Variants in EPHA6 observed in about 807,000 individuals in gnomAD.
EPHA6 encodes EPH receptor A6, also known as ephrin type-A receptor 6.
Under a neutral mutation model 112.0 loss-of-function variants are expected in EPHA6, and 50 were observed. The ratio of observed to expected loss-of-function variants is 0.45; its 90% confidence interval spans 0.36 to 0.56. EPHA6 has a LOEUF of 0.56. Ranked by LOEUF, EPHA6 falls within the 20% of genes least tolerant of loss-of-function variation. The pLI, the probability that EPHA6 is intolerant of heterozygous loss-of-function variation, is 0.00. For missense variants in EPHA6, 1,280 were observed against 1,417.4 expected, an observed-to-expected ratio of 0.90 and a Z score of 1.56; for synonymous variants, 529 against 490.7, an observed-to-expected ratio of 1.08 and a Z score of -1.03.
At chr3:97,163,802 C>T (rs2076473986) in intron 3 of EPHA6, among the ~76,000 whole-genome samples, 1 of 152,200 alleles carries the variant, frequency 6.6e-6, no homozygotes, top group Non-Finnish European at 1.5e-5. Flanking sequence ...CTGCATCAGG[C>T]CATTCCCACA....
chr3:97,276,662 C>T (rs1422616731), intron 5 of EPHA6, among the ~76,000 whole-genome samples: 2 of 151,898 alleles, frequency 1.3e-5, no homozygotes, highest in African/African-American at 2.4e-5. Context: ...GCTTTAAAGT[C>T]GGGAGCGGAT....
chr3:97,621,988 T>C (rs1192858075), intron 13 of EPHA6, among the ~76,000 whole-genome samples: 2 of 151,898 alleles, frequency 1.3e-5, no homozygotes, highest in Admixed American at 6.6e-5. Context: ...ATAAATCAAA[T>C]GCTAGTATGC....
chr3:97,270,250 C>T (rs2079834198), intron 5 of EPHA6, among the ~76,000 whole-genome samples: 1 of 152,130 alleles, frequency 6.6e-6, no homozygotes, highest in African/African-American at 2.4e-5. Flanking sequence ...CCCCTACTGA[C>T]TCTGCTACAA....
At chr3:96,915,557 G>A (rs573297253) in intron 2 of EPHA6, among the ~76,000 whole-genome samples, 23 of 152,020 alleles carry the variant, frequency 1.5e-4, no homozygotes, top group African/African-American at 3.1e-4. Context: ...GTTATTCTCC[G>A]TTTACAGATA....
chr3:97,481,280 G>A (rs559676183), intron 9 of EPHA6: 1 of 1,513,100 alleles, frequency 6.6e-7, no homozygotes, highest in Non-Finnish European at 9.2e-7. Flanking sequence ...AATAATGAAT[G>A]TTTTCATAAA....
intron 2 of EPHA6, among the ~76,000 whole-genome samples, chr3:96,880,970 G>A (rs1045332307): frequency 1.7e-4 from 26 of 152,044 alleles, no homozygotes; most frequent in African/African-American, 6.3e-4. Context: ...ACTGTTAATT[G>A]TATTGCTGTG....
At chr3:97,741,221 C>A (rs746045738) in intron 16 of EPHA6, among the ~76,000 whole-genome samples, 1 of 151,858 alleles carries the variant, frequency 6.6e-6, no homozygotes, top group East Asian at 1.9e-4. Flanking sequence ...GGCATGGTGG[C>A]ACATGCCTGT....
chr3:96,906,632 C>A (rs1199355193), intron 2 of EPHA6, among the ~76,000 whole-genome samples: 1 of 152,042 alleles, frequency 6.6e-6, no homozygotes, highest in Admixed American at 6.6e-5. Context: ...TTTTCAACCA[C>A]ATCATTTGTT....
At chr3:97,111,212 A>G (rs1260027785) in intron 3 of EPHA6, among the ~76,000 whole-genome samples, 1 of 152,168 alleles carries the variant, frequency 6.6e-6, no homozygotes, top group Non-Finnish European at 1.5e-5. Context: ...TTAACTTACA[A>G]ATGTGGAATT....
intron 1 of EPHA6, among the ~76,000 whole-genome samples, chr3:96,832,234 T>A (rs2107280925): frequency 6.6e-6 from 1 of 152,170 alleles, no homozygotes; most frequent in East Asian, 1.9e-4. Context: ...GATTTAGAAG[T>A]GAATATGACT....
At chr3:96,868,534 C>A in intron 2 of EPHA6, among the ~76,000 whole-genome samples, 1 of 151,736 alleles carries the variant, frequency 6.6e-6, no homozygotes, top group East Asian at 1.9e-4. Context: ...GTAATTATAT[C>A]CAGTTGAAAT....
intron 3 of EPHA6, among the ~76,000 whole-genome samples, chr3:97,176,629 C>T (rs376544596): frequency 7.9e-5 from 12 of 151,546 alleles, no homozygotes; most frequent in South Asian, 6.2e-4. Context: ...TGGTAGGTTG[C>T]GTGTATCTAG....
At chr3:97,056,623 G>A (rs999155070) in intron 3 of EPHA6, among the ~76,000 whole-genome samples, 2 of 152,122 alleles carry the variant, frequency 1.3e-5, no homozygotes, top group African/African-American at 2.4e-5. Flanking sequence ...GGTAAAGGAC[G>A]TATTGCTTGG....
intron 5 of EPHA6, among the ~76,000 whole-genome samples, chr3:97,375,297 A>G (rs565799672): frequency 6.6e-6 from 1 of 152,294 alleles, no homozygotes; most frequent in East Asian, 1.9e-4. Context: ...GTTGTGTCTA[A>G]TATTAGTCTC....
intron 13 of EPHA6, among the ~76,000 whole-genome samples, chr3:97,630,362 T>C (rs1415566381): frequency 1.3e-5 from 2 of 151,984 alleles, no homozygotes; most frequent in South Asian, 2.1e-4. Flanking sequence ...AAGGAGATAG[T>C]TACTTATTTA....
chr3:97,208,197 A>G (rs1306433999), intron 3 of EPHA6, among the ~76,000 whole-genome samples: 1 of 152,150 alleles, frequency 6.6e-6, no homozygotes, highest in Non-Finnish European at 1.5e-5. Flanking sequence ...CTGAATCGAT[A>G]TAGGTATTCT....
intron 2 of EPHA6, among the ~76,000 whole-genome samples, chr3:96,874,152 G>T (rs1018816621): frequency 2.0e-5 from 3 of 152,118 alleles, no homozygotes; most frequent in Non-Finnish European, 4.4e-5. Context: ...CTGACCAAGA[G>T]CAGACTTAAT....
At chr3:96,821,197 A>T (rs527792188) in intron 1 of EPHA6, among the ~76,000 whole-genome samples, 1 of 151,898 alleles carries the variant, frequency 6.6e-6, no homozygotes, top group Non-Finnish European at 1.5e-5. Context: ...TCAATTACTG[A>T]TTATTTTGAG....
chr3:97,711,082 G>A (rs569740188), intron 14 of EPHA6, among the ~76,000 whole-genome samples: 8 of 152,308 alleles, frequency 5.3e-5, no homozygotes, highest in Admixed American at 2.0e-4. Flanking sequence ...GAGGGAGCTG[G>A]TGGGAGGTGG....
Sources: allele counts gnomAD v4.1 joint callset (sites outside exome capture counted in the v4.1 genomes callset), GRCh38; gene constraint gnomAD v4.1.1; transcripts MANE v1.5; gene names NCBI Gene and HGNC (gene_info 2026-07-23, HGNC 2026-07-21).